Variants in FOLR1 observed in about 807,000 individuals in gnomAD.
FOLR1 encodes KB cells FBP.
Under a neutral mutation model 22.8 loss-of-function variants are expected in FOLR1, and 11 were observed. The ratio of observed to expected loss-of-function variants is 0.48; its 90% CI spans 0.30 to 0.80. FOLR1 has a LOEUF of 0.80. Among genes scored for constraint, FOLR1 ranks in the 30% least tolerant of loss-of-function variants. The pLI is 0.06. For missense variants in FOLR1, 273 were observed against 320.3 expected, an observed-to-expected ratio of 0.85 and a Z score of 1.13; for synonymous variants, 108 against 116.5, an observed-to-expected ratio of 0.93 and a Z score of 0.47.
rs1948210088 is a variant in FOLR1 at position 72,195,189 on chromosome 11, AG to A, written c.169-78del. The A allele has an allele frequency of 3.8e-6, 5 of 1,326,016 alleles. No individual in the cohort carries two copies. The South Asian group carries it at 5.9e-5, about 16-fold the overall frequency. 82.1% of individuals were successfully genotyped at this position (1,326,016 alleles called of 1,614,324 possible). A position where few individuals can be genotyped will look rare whatever the true frequency, so the allele number is the denominator to read the frequency against. On this transcript the variant is annotated intron_variant, in intron 1 of 3. Coordinates refer to ENST00000393676, the MANE Select transcript of FOLR1 (RefSeq NM_016729.3). ...GTGGGCTGGGGAATCAAGGACTAAG[AG>A]GGGAGACACTGCATGTGGAATATTC... is the stretch of plus-strand genomic sequence containing the variant.
chr11:72,193,296 C>T (rs1241761979), intron 1 of FOLR1, among the ~76,000 whole-genome samples: 1 of 150,978 alleles, frequency 6.6e-6, no homozygotes, highest in Non-Finnish European at 1.5e-5. Flanking sequence ...CCACTGCACT[C>T]CAGCCTGGGC....
intron 1 of FOLR1, among the ~76,000 whole-genome samples, chr11:72,193,451 T>C (rs112907657): frequency 5.1e-4 from 76 of 149,596 alleles, no homozygotes; most frequent in African/African-American, 1.8e-3. Context: ...ACGCATTTCT[T>C]TTTTTTTTTC....
chr11:72,195,954 C>G lies in FOLR1; in HGVS notation c.551C>G (p.Thr184Arg). The G allele has an allele frequency of 6.2e-7, 1 of 1,614,236 alleles. No individual in the cohort carries two copies. Residue 184 changes from threonine to arginine, a missense_variant, in exon 4 of 4, where the codon ACA becomes AGA. Thr to Arg is a moderately conservative substitution (Grantham distance 71). Transcript: ENST00000393676. The stretch of plus-strand genomic sequence containing the variant: ...CAACCTTTCCATTTCTACTTCCCCA[C>G]ACCCACTGTTCTGTGCAATGAAATC... Reference protein sequence around the residue: ...ACQPFHFYFPTPTVLCNEIWT... With the variant: ...ACQPFHFYFPRPTVLCNEIWT...
chr11:72,196,045 C>T lies in FOLR1; in HGVS notation c.642C>T (p.Phe214=), dbSNP rs868478657. ...GTGGCCGCTGCATCCAGATGTGGTT[C>T]GACCCAGCCCAGGGCAACCCCAATG... The part of the protein sequence containing the change: ...RGSGRCIQMW[F]DPAQGNPNEE... Residue 214 remains phenylalanine, a synonymous_variant, in exon 4 of 4, where the codon TTC becomes TTT. Coordinates refer to ENST00000393676, the MANE Select transcript of FOLR1 (RefSeq NM_016729.3). The T allele has an allele frequency of 2.5e-6, 4 of 1,614,102 alleles. No homozygotes were observed. The highest frequency in any genetic ancestry group is 2.2e-5 in the East Asian group (1 of 44,902).
intron 1 of FOLR1, among the ~76,000 whole-genome samples, chr11:72,192,765 C>CT (rs568572656): frequency 7.0e-4 from 103 of 146,652 alleles, no homozygotes; most frequent in South Asian, 1.7e-3. Flanking sequence ...GCAAAGCATT[C>CT]TTTTTTTTTT....
upstream of FOLR1, chr11:72,192,018 A>T: frequency 1.3e-6 from 1 of 776,292 alleles, no homozygotes. Context: ...CCTACCTTTC[A>T]TTGGATCTGG....
chr11:72,192,060 T>C, upstream of FOLR1: 1 of 1,184,844 alleles, frequency 8.4e-7, no homozygotes, highest in Non-Finnish European at 1.3e-6. Context: ...CAGGGCTCTA[T>C]CTGCCCCAGG....
Position 72,192,184 on chromosome 11 carries a change from G to T in FOLR1, c.11G>T (p.Arg4Leu), listed in dbSNP as rs145380453. The T allele has an allele frequency of 1.2e-6, 2 of 1,614,026 alleles. No homozygotes were observed. The highest frequency in any genetic ancestry group is 2.7e-5 in the African/African-American group (2 of 74,914). Reference protein sequence around the residue: MAQRMTTQLLLLLV... With the variant: MAQLMTTQLLLLLV... ...TCTTCAGGGACAGACATGGCTCAGC[G>T]GATGACAACACAGCTGCTGCTCCTT... Residue 4 changes from arginine to leucine, a missense_variant, in exon 1 of 4, where the codon CGG becomes CTG. By Grantham distance (102) the Arg-to-Leu change is moderately radical. Transcript: ENST00000393676.
Position 72,196,119 on chromosome 11 carries a change from G to A in FOLR1, c.716G>A (p.Trp239Ter). The stretch of plus-strand genomic sequence containing the variant: ...GCAGCCATGAGTGGGGCTGGGCCCT[G>A]GGCAGCCTGGCCTTTCCTGCTTAGC... ...YAAAMSGAGP[W>*]AAWPFLLSLA... Residue 239 changes from tryptophan (W) to a stop codon, truncating the protein, a stop_gained, in exon 4 of 4, where the codon TGG becomes TAG. Coordinates refer to ENST00000393676, the MANE Select transcript of FOLR1 (RefSeq NM_016729.3). LOFTEE classifies it low-confidence loss of function (END_TRUNC). The A allele has an allele frequency of 1.2e-6, 2 of 1,614,194 alleles. No homozygotes were observed. The highest frequency in any genetic ancestry group is 8.5e-7 in the Non-Finnish European group (1 of 1,180,038).
intron 3 of FOLR1, 75 bp downstream of exon 3, chr11:72,195,822 T>A (rs1948223438): frequency 1.7e-5 from 27 of 1,613,964 alleles, no homozygotes; most frequent in Non-Finnish European, 2.3e-5. Context: ...TATGTGACAA[T>A]TTGGAGTTGT....
chr11:72,193,282 C>T (rs1326810099), intron 1 of FOLR1, among the ~76,000 whole-genome samples: 2 of 151,108 alleles, frequency 1.3e-5, no homozygotes, highest in East Asian at 3.9e-4. Flanking sequence ...GATTGTAGAT[C>T]GTGCCACTGC....
At chr11:72,190,073 G>A (rs1948136976), upstream of FOLR1, 1 of 152,346 alleles carries the variant, frequency 6.6e-6, no homozygotes, top group African/African-American at 2.4e-5. Context: ...GCTGGACTAA[G>A]ACCTGAAGGT....
At position 72,192,387 on chromosome 11, in the gene FOLR1, G is replaced by C. The variant is rs77405781; in HGVS notation, c.168+46G>C. 5,559 of 1,604,976 alleles carry C rather than the reference G, an allele frequency of 3.5e-3. 181 individuals carry two copies. In the African/African-American group the frequency reaches 0.065, roughly 19 times the overall value. ...GGGTGGTGAGGGACTGGCTCAGGAAGAGGAAACGAGGACATGGAAATGCCA... is the reference window on the plus strand; with the variant it reads ...GGGTGGTGAGGGACTGGCTCAGGAACAGGAAACGAGGACATGGAAATGCCA... On this transcript the variant is annotated intron_variant, in intron 1 of 3. Coordinates refer to ENST00000393676, the MANE Select transcript of FOLR1 (RefSeq NM_016729.3).
rs752693251 is a variant in FOLR1 at position 72,195,707 on chromosome 11, C to G, written c.453C>G (p.Thr151=). ...GGGAAGATTGTCGCACCTCCTACAC[C>G]TGCAAGAGCAACTGGCACAAGGGCT... ...QWWEDCRTSY[T]CKSNWHKGWN... The change falls in exon 3 of 4, where the codon ACC becomes ACG. Residue 151 remains threonine (T), a synonymous_variant. Transcript: ENST00000393676. 6 of 1,614,224 alleles carry G rather than the reference C, an allele frequency of 3.7e-6. No individual in the cohort carries two copies. Among genetic ancestry groups the G allele is most frequent in the South Asian group, 1.1e-5 (1 of 91,082 alleles).
chr11:72,195,835 G>T, intron 3 of FOLR1, 62 bp from the exon 4 acceptor site: 2 of 1,614,062 alleles, frequency 1.2e-6, no homozygotes, highest in South Asian at 2.2e-5. Flanking sequence ...GGAGTTGTAG[G>T]GCTGGCAGAC....
At chr11:72,192,965 C>T (rs1423554500) in intron 1 of FOLR1, among the ~76,000 whole-genome samples, 1 of 152,128 alleles carries the variant, frequency 6.6e-6, no homozygotes, top group Non-Finnish European at 1.5e-5. Context: ...CCTGAGGTCT[C>T]CCTATAACAT....
intron 1 of FOLR1, among the ~76,000 whole-genome samples, chr11:72,194,820 C>T (rs1420423450): frequency 6.6e-6 from 1 of 152,216 alleles, no homozygotes; most frequent in Admixed American, 6.5e-5. Flanking sequence ...CACAAGTAAG[C>T]CACTGCACCC....
At chr11:72,194,541 A>C (rs1948200868) in intron 1 of FOLR1, among the ~76,000 whole-genome samples, 1 of 152,208 alleles carries the variant, frequency 6.6e-6, no homozygotes, top group Admixed American at 6.5e-5. Flanking sequence ...CTGGGACTAC[A>C]GGTGCCAGCC....
intron 1 of FOLR1, among the ~76,000 whole-genome samples, chr11:72,193,952 T>G (rs1782567970): frequency 6.6e-6 from 1 of 151,096 alleles, no homozygotes; most frequent in Non-Finnish European, 1.5e-5. Flanking sequence ...CCTAGCTAAT[T>G]TTTGTATTTT....
Sources: gnomAD v4.1 joint callset for allele counts (sites outside exome capture counted in the v4.1 genomes callset) on GRCh38, gnomAD v4.1.1 for gene constraint, MANE v1.5 for transcripts, NCBI Gene and HGNC (gene_info 2026-07-23, HGNC 2026-07-21) for gene names.